The following DEPDC1B variants were observed in gnomAD, a reference collection of about 807,000 sequenced individuals.
DEPDC1B encodes DEP domain-containing protein 1B.
A neutral mutation model predicts 66.5 loss-of-function variants in DEPDC1B; 51 were observed. The observed-to-expected ratio is 0.77, with a 90% CI of 0.61 to 0.97. DEPDC1B has a LOEUF of 0.97. DEPDC1B is among the 50% of genes least tolerant of loss of function. DEPDC1B has a pLI of 0.00. For missense variants in DEPDC1B, 552 were observed against 637.1 expected (o/e 0.87, Z 1.44); for synonymous variants, 226 against 223.6 (o/e 1.01, Z -0.10).
intron 2 of DEPDC1B, among the ~76,000 whole-genome samples, chr5:60,656,339 T>C (rs992626796): frequency 2.6e-5 from 4 of 152,016 alleles, no homozygotes; most frequent in Admixed American, 1.3e-4. Flanking sequence ...TTTTTGTATT[T>C]TCAGTAGAGA....
intron 1 of DEPDC1B, among the ~76,000 whole-genome samples, chr5:60,698,617 T>C (rs375625565): frequency 6.6e-6 from 1 of 152,312 alleles, no homozygotes; most frequent in East Asian, 1.9e-4. Context: ...AATAAAATGC[T>C]TGTCTTTATG....
Position 60,647,446 on chromosome 5 carries a change from G to A in DEPDC1B, c.402C>T (p.Leu134=), listed in dbSNP as rs773464106. The A allele has an allele frequency of 3.1e-6, 5 of 1,612,890 alleles. No homozygotes were observed. In the South Asian group the frequency reaches 5.5e-5, roughly 18 times the overall value. ...DVIKFPEWND[L]PPGTSQENIP... ...TGTTCTCTTGTGAAGTGCCTGGTGG[G>A]AGATCATTCCATTCTGGAAATTTAA... is the stretch of plus-strand genomic sequence containing the variant. The change falls in exon 3 of 11, where the codon CTC becomes CTT. Residue 134 remains leucine (L), a synonymous_variant. Coordinates refer to ENST00000265036, the MANE Select transcript of DEPDC1B (RefSeq NM_018369.3).
At chr5:60,663,710 C>T (rs556115179) in intron 2 of DEPDC1B, among the ~76,000 whole-genome samples, 1 of 152,322 alleles carries the variant, frequency 6.6e-6, no homozygotes, top group South Asian at 2.1e-4. Flanking sequence ...CTTGGTCACT[C>T]TTGTCCTTCG....
At chr5:60,638,193 AT>A (rs1167624084) in intron 7 of DEPDC1B, among the ~76,000 whole-genome samples, 1 of 152,146 alleles carries the variant, frequency 6.6e-6, no homozygotes, top group African/African-American at 2.4e-5. Context: ...AATATTGTTG[AT>A]TTTTTTCCTT....
chr5:60,599,193 G>T lies in DEPDC1B; in HGVS notation c.1310C>A (p.Pro437Gln). 6.2e-7 allele frequency: 1 copy of T among 1,612,524 alleles called. No individual in the cohort carries two copies. The stretch of plus-strand genomic sequence containing the variant: ...TGATCTTTGATATTCAAATTCCTCT[G>T]GACTAATTTGACGGCAAAATGATGG... ...SAPSFCRQIS[P>Q]EEFEYQRSYG... Residue 437 changes from proline to glutamine, a missense_variant, in exon 10 of 11, where the codon CCA (proline) becomes CAA (glutamine). Coordinates refer to ENST00000265036, the MANE Select transcript of DEPDC1B (RefSeq NM_018369.3).
intron 2 of DEPDC1B, among the ~76,000 whole-genome samples, chr5:60,672,749 T>C (rs891516430): frequency 1.3e-5 from 2 of 152,212 alleles, no homozygotes; most frequent in Non-Finnish European, 2.9e-5. Context: ...AGCATTTTGC[T>C]TAAGATCACA....
rs150278589 is a variant in DEPDC1B at position 60,655,120 on chromosome 5, G to A, written c.315-7587C>T. Among the ~76,000 whole-genome samples the A allele has an allele frequency of 2.3e-3, 337 of 149,008 alleles. 42 individuals carry two copies. Among genetic ancestry groups the A allele is most frequent in the African/African-American group, 8.4e-3 (334 of 39,548 alleles). ...TATATCCTTTCCTGGTTTGATATAA[G>A]GGCGATAATGGCTTCATAGAATGAT... On this transcript the variant is annotated intron_variant, in intron 2 of 10. Transcript: ENST00000265036.
chr5:60,636,665 G>A (rs1298257138), intron 7 of DEPDC1B, among the ~76,000 whole-genome samples: 1 of 152,122 alleles, frequency 6.6e-6, no homozygotes, highest in African/African-American at 2.4e-5. Context: ...GTGGTCTTCC[G>A]TATCTAGAAG....
rs199516484 is a variant in DEPDC1B, at chr5:60,603,463, C to T, written c.1170G>A (p.Gln390=). 95 of 1,612,928 alleles carry T rather than the reference C, an allele frequency of 5.9e-5. No individual in the cohort carries two copies. In the East Asian group the frequency reaches 1.9e-3, roughly 33 times the overall value. ...AGGCCAAAGGGACTTTCAGAATTTC[C>T]TGGTAATTGTCCATCAGAAACGTTA... The part of the protein sequence containing the change: ...RLVTFLMDNY[Q]EILKVPLALQ... The change falls in exon 9 of 11, where the codon CAG becomes CAA. Residue 390 remains glutamine, a synonymous_variant. Transcript: ENST00000265036.
intron 6 of DEPDC1B, among the ~76,000 whole-genome samples, chr5:60,639,765 A>T (rs1170784880): frequency 6.6e-6 from 1 of 152,230 alleles, no homozygotes; most frequent in Non-Finnish European, 1.5e-5. Flanking sequence ...TACCTTGAGG[A>T]AAATAGCAAG....
intron 2 of DEPDC1B, among the ~76,000 whole-genome samples, chr5:60,673,747 C>A (rs1472426273): frequency 6.6e-6 from 1 of 152,206 alleles, no homozygotes; most frequent in Non-Finnish European, 1.5e-5. Flanking sequence ...TAGTTTAGAA[C>A]TGATTAATGC....
intron 1 of DEPDC1B, among the ~76,000 whole-genome samples, chr5:60,696,440 A>T (rs530193907): frequency 2.0e-5 from 3 of 152,318 alleles, no homozygotes; most frequent in African/African-American, 7.2e-5. Flanking sequence ...TTTAAAGCCT[A>T]CTGAGGTCAC....
chr5:60,683,201 C>T (rs1754337020), intron 2 of DEPDC1B, among the ~76,000 whole-genome samples: 1 of 152,078 alleles, frequency 6.6e-6, no homozygotes. Flanking sequence ...AAGCTGAGGC[C>T]AGCAGATTTC....
intron 7 of DEPDC1B, among the ~76,000 whole-genome samples, chr5:60,638,330 A>G (rs767806767): frequency 2.0e-5 from 3 of 152,142 alleles, no homozygotes; most frequent in Non-Finnish European, 2.9e-5. Context: ...ACTACAAAAA[A>G]CCTGTTTCTT....
rs761981834 is a variant in DEPDC1B, at chr5:60,652,375, T to C, written c.315-4842A>G. Among the ~76,000 whole-genome samples the C allele has an allele frequency of 4.4e-4, 65 of 148,586 alleles. 4 individuals carry two copies. Among genetic ancestry groups the C allele is most frequent in the Non-Finnish European group, 8.4e-4 (57 of 67,820 alleles). ...TTTTAGCAAGGGATGTATTGTGAAA[T>C]TGCAAAAAAAGTAGGAAGAGTCCAG... On this transcript the variant is annotated intron_variant, in intron 2 of 10. Coordinates refer to ENST00000265036, the MANE Select transcript of DEPDC1B (RefSeq NM_018369.3).
intron 2 of DEPDC1B, among the ~76,000 whole-genome samples, chr5:60,660,685 A>G (rs1753694300): frequency 6.6e-6 from 1 of 152,284 alleles, no homozygotes; most frequent in Non-Finnish European, 1.5e-5. Context: ...AGTCAAAAAA[A>G]GCAAAAAGGT....
At position 60,652,248 on chromosome 5, in the gene DEPDC1B, G is replaced by A. The variant is rs774378575; in HGVS notation, c.315-4715C>T. On this transcript the variant is annotated intron_variant, in intron 2 of 10. Transcript: ENST00000265036. ...GGCATTAGCATGATCTGAAAATGGA[G>A]TTTTCAGCCCACTGATGTCAAAAGA... Among the ~76,000 whole-genome samples, 21 of 149,584 alleles carry A rather than the reference G, an allele frequency of 1.4e-4. 1 individual carries two copies. Among genetic ancestry groups the A allele is most frequent in the Middle Eastern group, 3.4e-3 (1 of 290 alleles).
chr5:60,691,581 A>T (rs1389585463), intron 1 of DEPDC1B, among the ~76,000 whole-genome samples: 1 of 152,228 alleles, frequency 6.6e-6, no homozygotes, highest in Non-Finnish European at 1.5e-5. Context: ...TGAGTAGGAT[A>T]AGATATATCT....
chr5:60,631,958 C>T (rs1182714816), intron 7 of DEPDC1B, among the ~76,000 whole-genome samples: 1 of 152,222 alleles, frequency 6.6e-6, no homozygotes, highest in South Asian at 2.1e-4. Context: ...TCCCCATACA[C>T]TAAACCCATT....
Sources: gnomAD v4.1 joint callset for allele counts (sites outside exome capture counted in the v4.1 genomes callset) on GRCh38, gnomAD v4.1.1 for gene constraint, MANE v1.5 for transcripts, NCBI Gene and HGNC (gene_info 2026-07-23, HGNC 2026-07-21) for gene names.